CFAP43: variants seen among roughly 807,000 people sequenced by gnomAD.
The protein encoded by CFAP43 is cilia- and flagella-associated protein 43.
Under a neutral mutation model 218.9 loss-of-function variants are expected in CFAP43, and 155 were observed. The observed-to-expected ratio is 0.71, with a 90% confidence interval of 0.62 to 0.81. The LOEUF (loss-of-function observed/expected upper bound fraction) is 0.81, where lower values mean the gene tolerates loss of function less well. Ranked by LOEUF, CFAP43 falls within the 30% of genes least tolerant of loss-of-function variation. The probability of loss-of-function intolerance (pLI) is 0.00; values close to 1 mark genes in which losing one functional copy is unlikely to be tolerated. For missense variants in CFAP43, 1,778 were observed against 1,954.3 expected (o/e 0.91, Z 1.70); for synonymous variants, 645 against 681.3 (o/e 0.95, Z 0.83).
intron 27 of CFAP43, 76 bp from the exon 28 acceptor site, chr10:104,152,802 A>G: frequency 1.3e-6 from 2 of 1,513,630 alleles, no homozygotes; most frequent in Non-Finnish European, 1.8e-6. Flanking sequence ...ACATTTCACC[A>G]CAAGGGAGGG....
intron 12 of CFAP43, among the ~76,000 whole-genome samples, chr10:104,189,801 A>C (rs1026024316): frequency 6.6e-6 from 1 of 152,168 alleles, no homozygotes; most frequent in African/African-American, 2.4e-5. Flanking sequence ...CCAGGAGATC[A>C]AGACCAGCCT....
In CFAP43 at chr10:104,230,732, A is replaced by T. The variant is rs200776213; in HGVS notation, c.177T>A (p.Thr59=). 22 of 1,613,950 alleles carry T rather than the reference A, an allele frequency of 1.4e-5. No individual in the cohort carries two copies. Among genetic ancestry groups the T allele is most frequent in the Non-Finnish European group, 1.7e-5 (20 of 1,180,010 alleles). Reference sequence around the variant, plus strand: ...CAATTCCATTACTACACTGCAGTACAGTCTTTTTCTTGGTTTCAATATTAA... The same window carrying T: ...CAATTCCATTACTACACTGCAGTACTGTCTTTTTCTTGGTTTCAATATTAA... The part of the protein sequence containing the change: ...IFINIETKKK[T]VLQCSNGIVG... The change falls in exon 2 of 38, where the codon ACT becomes ACA. Residue 59 remains threonine, a synonymous_variant. Coordinates refer to ENST00000357060, the MANE Select transcript of CFAP43 (RefSeq NM_025145.7).
chr10:104,198,151 G>A (rs911783829), intron 8 of CFAP43, 113 bp from the exon 9 acceptor site: 2 of 599,546 alleles, frequency 3.3e-6, no homozygotes, highest in African/African-American at 3.8e-5. Flanking sequence ...CAGAATATGG[G>A]AAATCACAGA....
intron 15 of CFAP43, 109 bp from the exon 16 acceptor site, chr10:104,185,255 C>A: frequency 7.1e-7 from 1 of 1,417,142 alleles, no homozygotes. Context: ...TTTCTATTTG[C>A]TAACAGCATT....
chr10:104,140,114 CTT>C lies in CFAP43; in HGVS notation c.4431+726_4431+727del. 2.0e-5 allele frequency among the ~76,000 whole-genome samples: 3 copies of C among 151,004 alleles called. 1 individual carries two copies. The South Asian group carries it at 6.2e-4, about 31-fold the overall frequency. On this transcript the variant is annotated intron_variant, in intron 34 of 37. Coordinates refer to ENST00000357060, the MANE Select transcript of CFAP43 (RefSeq NM_025145.7). ...TTTGTAGAATACAGATAAAATAAAG[CTT>C]ATAGGGAATATTTTTTTAGGACTCA...
At position 104,203,695 on chromosome 10, in the gene CFAP43, C is replaced by T. The variant is rs758995349; in HGVS notation, c.1072G>A (p.Val358Met). The change falls in exon 8 of 38, where the codon GTG (valine) becomes ATG (methionine). Residue 358 changes from valine (V) to methionine (M), a missense_variant. Transcript: ENST00000357060. ...ACCTTGTCTGTTTGAATCAGCAACA[C>T]TGTATAATTGGGAGAAAATGTCATA... ...EHMTFSPNYT[V>M]LLIQTDKGSV... 2.1e-5 allele frequency: 33 copies of T among 1,608,876 alleles called. No homozygotes were observed. The highest frequency in any genetic ancestry group is 2.6e-5 in the Non-Finnish European group (31 of 1,178,060).
intron 27 of CFAP43, among the ~76,000 whole-genome samples, chr10:104,158,114 C>T (rs1165482034): frequency 6.6e-6 from 1 of 152,114 alleles, no homozygotes; most frequent in Non-Finnish European, 1.5e-5. Context: ...AGGAAAAGCT[C>T]TTCTTTGCAG....
At position 104,187,460 on chromosome 10, in the gene CFAP43, G is replaced by C. The variant is rs773063827; in HGVS notation, c.1720C>G (p.Leu574Val). ...STTFADERGR[L>V]KDEIIHKYLY... ...TACTTATGAATGATTTCATCTTTCAGCCTTCCTCTTTCATCAGCAAAGGTT... is the reference window on the plus strand; with the variant it reads ...TACTTATGAATGATTTCATCTTTCACCCTTCCTCTTTCATCAGCAAAGGTT... Residue 574 changes from leucine to valine, a missense_variant, in exon 14 of 38, where the codon CTG becomes GTG. Transcript: ENST00000357060. 2 of 1,593,822 alleles carry C rather than the reference G, an allele frequency of 1.3e-6. No individual in the cohort carries two copies. The highest frequency in any genetic ancestry group is 4.6e-5 in the East Asian group (2 of 43,472).
chr10:104,148,130 A>G, intron 28 of CFAP43, 132 bp from the exon 29 acceptor site: 2 of 451,916 alleles, frequency 4.4e-6, no homozygotes, highest in Admixed American at 7.9e-5. Context: ...AACATTTTAA[A>G]GAAAAAGGGA....
At chr10:104,231,523 C>T (rs1444248169) in intron 1 of CFAP43, among the ~76,000 whole-genome samples, 1 of 152,000 alleles carries the variant, frequency 6.6e-6, no homozygotes, top group African/African-American at 2.4e-5. Flanking sequence ...TAAAGGTATG[C>T]TTGAAGATGG....
At chr10:104,225,400 C>A in intron 3 of CFAP43, 61 bp downstream of exon 3, 1 of 1,304,510 alleles carries the variant, frequency 7.7e-7, no homozygotes, top group Non-Finnish European at 1.1e-6. Flanking sequence ...CGATAAAATC[C>A]AGAAGAGTAA....
chr10:104,205,171 C>T (rs1182111155), intron 7 of CFAP43, among the ~76,000 whole-genome samples: 4 of 144,880 alleles, frequency 2.8e-5, no homozygotes, highest in South Asian at 2.2e-4. Context: ...CGAGATCGCG[C>T]CACTGTACTC....
chr10:104,195,660 A>G (rs2134925225), intron 10 of CFAP43, among the ~76,000 whole-genome samples: 1 of 152,358 alleles, frequency 6.6e-6, no homozygotes, highest in South Asian at 2.1e-4. Flanking sequence ...TTTCTCAACT[A>G]GAACTGTGTA....
chr10:104,163,027 C>T (rs1327507907), intron 24 of CFAP43, among the ~76,000 whole-genome samples: 1 of 152,146 alleles, frequency 6.6e-6, no homozygotes, highest in African/African-American at 2.4e-5. Flanking sequence ...GAGTGAGGTC[C>T]TTGCTGTCAC....
At chr10:104,201,246 A>G (rs637052) in intron 8 of CFAP43, among the ~76,000 whole-genome samples, 7,253 of 152,204 alleles carry the variant, frequency 0.048, 610 homozygotes, top group African/African-American at 0.17. Flanking sequence ...TTTTTACCTT[A>G]AAGCCTAATT....
intron 27 of CFAP43, among the ~76,000 whole-genome samples, chr10:104,160,383 C>G (rs905068831): frequency 1.3e-5 from 2 of 152,200 alleles, no homozygotes; most frequent in Admixed American, 6.5e-5. Flanking sequence ...TCATGAGATA[C>G]AGCCACTAGC....
intron 9 of CFAP43, among the ~76,000 whole-genome samples, chr10:104,197,690 A>T (rs993487338): frequency 3.9e-5 from 6 of 152,250 alleles, no homozygotes; most frequent in African/African-American, 1.4e-4. Context: ...TGTTTTCAGA[A>T]GATGATATTA....
intron 5 of CFAP43, among the ~76,000 whole-genome samples, chr10:104,208,693 A>C (rs1229148307): frequency 6.6e-6 from 1 of 152,214 alleles, no homozygotes; most frequent in South Asian, 2.1e-4. Flanking sequence ...GAAAAATTGC[A>C]GTCCAATTTA....
chr10:104,165,265 G>A (rs1485734914), intron 23 of CFAP43, among the ~76,000 whole-genome samples: 1 of 152,186 alleles, frequency 6.6e-6, no homozygotes, highest in African/African-American at 2.4e-5. Flanking sequence ...TTTAGTCTAT[G>A]TCTATCCTAC....
Sources: gnomAD v4.1 joint callset for allele counts (sites outside exome capture counted in the v4.1 genomes callset) on GRCh38, gnomAD v4.1.1 for gene constraint, MANE v1.5 for transcripts, NCBI Gene and HGNC (gene_info 2026-07-23, HGNC 2026-07-21) for gene names.